Variants in PCDH9 observed in about 807,000 individuals in gnomAD.
The protein encoded by PCDH9 is protocadherin 9.
Under a neutral mutation model 70.6 loss-of-function variants are expected in PCDH9, and 24 were observed. The ratio of observed to expected loss-of-function variants is 0.34; its 90% CI spans 0.25 to 0.48. The LOEUF (loss-of-function observed/expected upper bound fraction) is 0.48, where lower values mean the gene tolerates loss of function less well. Ranked by LOEUF, PCDH9 falls within the 20% of genes least tolerant of loss-of-function variation. PCDH9 has a pLI of 0.99. For synonymous variants in PCDH9, 562 were observed against 558.5 expected, an observed-to-expected ratio of 1.01 and a Z score of -0.09; for missense variants, 1,281 against 1,503.6, an observed-to-expected ratio of 0.85 and a Z score of 2.45.
rs190649680 is a variant in PCDH9 at position 66,748,299 on chromosome 13, G to T, written c.3139-116888C>A. ...GTTATTGTTGAGATAACTTTAATGAGATAAATTTTATTTCATGTGTACCTT... is the reference window on the plus strand; with the variant it reads ...GTTATTGTTGAGATAACTTTAATGATATAAATTTTATTTCATGTGTACCTT... On this transcript the variant is annotated intron_variant, in intron 3 of 4. Coordinates refer to ENST00000377865, the MANE Select transcript of PCDH9 (RefSeq NM_203487.3). Among the ~76,000 whole-genome samples, 11 of 152,276 alleles carry T rather than the reference G, an allele frequency of 7.2e-5. No homozygotes were observed. In the South Asian group the frequency reaches 2.3e-3, roughly 32 times the overall value.
chr13:66,329,430 C>CT (rs1335066032), intron 4 of PCDH9, among the ~76,000 whole-genome samples: 1 of 152,210 alleles, frequency 6.6e-6, no homozygotes, highest in African/African-American at 2.4e-5. Context: ...ATAATTTCAA[C>CT]TAATTATCCC....
At chr13:67,110,961 A>G (rs1196904694) in intron 2 of PCDH9, among the ~76,000 whole-genome samples, 4 of 152,336 alleles carry the variant, frequency 2.6e-5, no homozygotes, top group Middle Eastern at 3.4e-3. Context: ...TGCAAATTCC[A>G]TAAGGCCAAT....
intron 3 of PCDH9, among the ~76,000 whole-genome samples, chr13:66,891,863 C>G (rs1038734039): frequency 3.3e-5 from 5 of 150,308 alleles, no homozygotes; most frequent in African/African-American, 1.2e-4. Context: ...TTTGTATCAT[C>G]TTTAGACTCC....
chr13:66,695,313 C>T (rs977793114), intron 3 of PCDH9, among the ~76,000 whole-genome samples: 3 of 152,184 alleles, frequency 2.0e-5, no homozygotes, highest in Non-Finnish European at 4.4e-5. Flanking sequence ...GTGACACTGT[C>T]TATTTTCAAT....
At chr13:66,892,158 T>C (rs2082106374) in intron 3 of PCDH9, among the ~76,000 whole-genome samples, 2 of 150,744 alleles carry the variant, frequency 1.3e-5, no homozygotes, top group African/African-American at 4.9e-5. Context: ...TACGTGTGTG[T>C]GTGTGTATAC....
At chr13:66,678,155 C>T (rs537055031) in intron 3 of PCDH9, among the ~76,000 whole-genome samples, 151 of 152,066 alleles carry the variant, frequency 9.9e-4, no homozygotes, top group Non-Finnish European at 1.8e-3. Context: ...TTCTCATTTT[C>T]CTTCCACCTA....
chr13:66,431,100 T>A (rs931230359), intron 4 of PCDH9, among the ~76,000 whole-genome samples: 1 of 152,046 alleles, frequency 6.6e-6, no homozygotes, highest in African/African-American at 2.4e-5. Context: ...TGCATGTAGG[T>A]CCTAGGGAAT....
chr13:66,761,120 C>T (rs2079620251), intron 3 of PCDH9, among the ~76,000 whole-genome samples: 1 of 152,124 alleles, frequency 6.6e-6, no homozygotes, highest in African/African-American at 2.4e-5. Context: ...CATGTGATCT[C>T]TGCGACCCAC....
intron 4 of PCDH9, among the ~76,000 whole-genome samples, chr13:66,386,555 A>G (rs1956933768): frequency 6.6e-6 from 1 of 152,176 alleles, no homozygotes; most frequent in Non-Finnish European, 1.5e-5. Context: ...AGTCTTACTA[A>G]TAGTAGAAAT....
intron 4 of PCDH9, among the ~76,000 whole-genome samples, chr13:66,513,891 G>A (rs1042993178): frequency 6.6e-6 from 1 of 151,762 alleles, no homozygotes; most frequent in Non-Finnish European, 1.5e-5. Flanking sequence ...TCAATCAAGT[G>A]GAGATTAAAT....
chr13:66,888,760 TTTAGTAAACAAATTTTTA>T (rs2082048981), intron 3 of PCDH9, among the ~76,000 whole-genome samples: 1 of 152,106 alleles, frequency 6.6e-6, no homozygotes, highest in Admixed American at 6.6e-5. Context: ...ACTTCATTCT[TTTAGTAAACAAATTTTTA>T]TCTGCCTTTC....
At chr13:67,038,921 C>T (rs1325276378) in intron 2 of PCDH9, among the ~76,000 whole-genome samples, 2 of 152,154 alleles carry the variant, frequency 1.3e-5, no homozygotes, top group African/African-American at 4.8e-5. Context: ...CTTCACCAGT[C>T]TTGGTCGCCA....
chr13:67,216,456 T>C (rs925652821), intron 2 of PCDH9: 1 of 151,720 alleles, frequency 6.6e-6, no homozygotes, highest in African/African-American at 2.4e-5. Flanking sequence ...ATGTTGGAAA[T>C]TTGAATGGGT....
At chr13:66,921,942 T>C (rs2082642973) in intron 2 of PCDH9, among the ~76,000 whole-genome samples, 1 of 151,350 alleles carries the variant, frequency 6.6e-6, no homozygotes, top group South Asian at 2.1e-4. Flanking sequence ...TAAGGTCAAT[T>C]TACTGTTCAA....
At chr13:67,185,525 T>C (rs2088730699) in intron 2 of PCDH9, among the ~76,000 whole-genome samples, 1 of 152,232 alleles carries the variant, frequency 6.6e-6, no homozygotes, top group African/African-American at 2.4e-5. Flanking sequence ...TCCTATACTT[T>C]ACTTTCAAAA....
At chr13:66,919,709 A>G (rs372034520) in intron 2 of PCDH9, among the ~76,000 whole-genome samples, 1 of 151,106 alleles carries the variant, frequency 6.6e-6, no homozygotes, top group Admixed American at 6.6e-5. Context: ...AACCATGAGC[A>G]AGTGATAAAA....
chr13:66,656,477 A>G (rs2077931125), intron 3 of PCDH9, among the ~76,000 whole-genome samples: 2 of 152,234 alleles, frequency 1.3e-5, no homozygotes, highest in Admixed American at 6.5e-5. Flanking sequence ...AAGGAAAAAA[A>G]AAATTCTGCA....
chr13:66,370,649 TA>T (rs1956633604), intron 4 of PCDH9, among the ~76,000 whole-genome samples: 1 of 151,864 alleles, frequency 6.6e-6, no homozygotes, highest in South Asian at 2.1e-4. Flanking sequence ...TAGCTGGGAC[TA>T]CAGGTACATG....
chr13:66,447,016 G>A (rs1467323746), intron 4 of PCDH9, among the ~76,000 whole-genome samples: 1 of 151,944 alleles, frequency 6.6e-6, no homozygotes, highest in East Asian at 1.9e-4. Flanking sequence ...ATAAGTTTAG[G>A]AGTGTGACAA....
Sources: allele counts gnomAD v4.1 joint callset (sites outside exome capture counted in the v4.1 genomes callset), GRCh38; gene constraint gnomAD v4.1.1; transcripts MANE v1.5; gene names NCBI Gene and HGNC (gene_info 2026-07-23, HGNC 2026-07-21).